Variants in SP140 observed in about 807,000 individuals in gnomAD.
SP140 encodes SP140 nuclear body protein.
SP140 carries 81 observed loss-of-function variants against 125.0 expected under a neutral mutation model. The observed-to-expected ratio is 0.65, with a 90% CI of 0.54 to 0.78. The LOEUF (loss-of-function observed/expected upper bound fraction) is 0.78. Ranked by LOEUF, SP140 falls within the 30% of genes least tolerant of loss-of-function variation. SP140 has a pLI of 0.00. For synonymous variants in SP140, 312 were observed against 354.0 expected, an observed-to-expected ratio of 0.88 and a Z score of 1.33; for missense variants, 858 against 1,037.0, an observed-to-expected ratio of 0.83 and a Z score of 2.37.
chr2:230,227,512 C>T (rs2046630443), intron 1 of SP140, among the ~76,000 whole-genome samples: 1 of 152,224 alleles, frequency 6.6e-6, no homozygotes, highest in Non-Finnish European at 1.5e-5. Context: ...GATGTCATTT[C>T]TTCCTTAAAT....
chr2:230,193,409 A>G, the SP140 span, among the ~76,000 whole-genome samples: 2 of 152,186 alleles, frequency 1.3e-5, no homozygotes, highest in African/African-American at 4.8e-5. Flanking sequence ...ATTGTTACCT[A>G]CATACGTTGT....
At chr2:230,250,844 A>T in intron 9 of SP140, 137 bp from the exon 10 acceptor site, 1 of 781,372 alleles carries the variant, frequency 1.3e-6, no homozygotes, top group African/African-American at 1.7e-5. Flanking sequence ...GGCCAGGTGA[A>T]CCCACCTACA....
chr2:230,309,298 T>A (rs1245246557), intron 22 of SP140, among the ~76,000 whole-genome samples: 2 of 152,116 alleles, frequency 1.3e-5, no homozygotes, highest in African/African-American at 2.4e-5. Flanking sequence ...GTTAGCTAAG[T>A]CAAGGGGGAT....
intron 10 of SP140, among the ~76,000 whole-genome samples, chr2:230,252,296 G>A (rs914352626): frequency 3.9e-5 from 6 of 152,054 alleles, no homozygotes; most frequent in Non-Finnish European, 7.4e-5. Flanking sequence ...AGTCCACAGA[G>A]CCAAAGAGAA....
intron 20 of SP140, 54 bp from the exon 21 acceptor site, chr2:230,294,217 C>T (rs961910675): frequency 2.7e-6 from 4 of 1,477,652 alleles, no homozygotes; most frequent in African/African-American, 2.8e-5. Context: ...AAATGCCAGA[C>T]TCACAAAACG....
At chr2:230,214,928 A>G in intron 3 of SP140, 1 of 1,609,696 alleles carries the variant, frequency 6.2e-7, no homozygotes, top group Non-Finnish European at 8.5e-7. Flanking sequence ...AAATGCAAAA[A>G]GCACTTGAGA....
At chr2:230,288,151 A>G (rs2056630078) in intron 18 of SP140, 185 bp downstream of exon 18, 1 of 558,022 alleles carries the variant, frequency 1.8e-6, no homozygotes, top group African/African-American at 1.9e-5. Flanking sequence ...TAAGTTGGTG[A>G]TGGATCTACA....
At chr2:230,214,423 C>A (rs1028909516) in intron 3 of SP140, among the ~76,000 whole-genome samples, 3 of 152,136 alleles carry the variant, frequency 2.0e-5, no homozygotes, top group African/African-American at 7.2e-5. Context: ...GCTTCTTAAC[C>A]AACAAGTAAT....
chr2:230,247,802 C>T, intron 7 of SP140, 114 bp from the exon 8 acceptor site: 2 of 1,012,696 alleles, frequency 2.0e-6, no homozygotes, highest in Non-Finnish European at 3.0e-6. Flanking sequence ...AAAGGCTTAG[C>T]CCTGTGCTTG....
chr2:230,244,357 T>C (rs1160644309), intron 5 of SP140, among the ~76,000 whole-genome samples: 1 of 152,232 alleles, frequency 6.6e-6, no homozygotes, highest in Non-Finnish European at 1.5e-5. Context: ...TAAGGTCTTT[T>C]ACCAGGTCAA....
intron 22 of SP140, among the ~76,000 whole-genome samples, chr2:230,300,467 A>G (rs1416032347): frequency 5.9e-5 from 9 of 152,204 alleles, no homozygotes; most frequent in Admixed American, 5.9e-4. Flanking sequence ...AAGACAGATC[A>G]CATCACAGGA....
intron 1 of SP140, among the ~76,000 whole-genome samples, chr2:230,227,904 A>ATT (rs893276183): frequency 6.6e-6 from 1 of 152,002 alleles, no homozygotes; most frequent in Admixed American, 6.6e-5. Flanking sequence ...TCCTGTTTCA[A>ATT]TTTTTTTAAC....
chr2:230,273,464 G>A (rs1290384793), intron 15 of SP140, among the ~76,000 whole-genome samples: 1 of 152,136 alleles, frequency 6.6e-6, no homozygotes, highest in Non-Finnish European at 1.5e-5. Flanking sequence ...ACGAGGTTGT[G>A]GAGAAAAAGG....
intron 11 of SP140, 114 bp downstream of exon 11, chr2:230,253,531 A>G (rs761700587): frequency 5.2e-5 from 39 of 746,786 alleles, no homozygotes; most frequent in Non-Finnish European, 7.8e-5. Context: ...ATTCGCATAC[A>G]TACAGATGGA....
At chr2:230,281,056 G>A (rs1010114085) in intron 15 of SP140, among the ~76,000 whole-genome samples, 4 of 152,014 alleles carry the variant, frequency 2.6e-5, no homozygotes, top group Non-Finnish European at 5.9e-5. Context: ...GGAATCTATG[G>A]TGTGGCTAAT....
chr2:230,269,464 G>A, intron 12 of SP140, 68 bp from the exon 13 acceptor site: 19 of 943,830 alleles, frequency 2.0e-5, no homozygotes, highest in Non-Finnish European at 2.6e-5. Context: ...CAGTATAGCA[G>A]CACTGGAAAC....
At chr2:230,304,003 C>G (rs1314853061) in intron 22 of SP140, among the ~76,000 whole-genome samples, 2 of 152,080 alleles carry the variant, frequency 1.3e-5, no homozygotes, top group African/African-American at 4.8e-5. Context: ...ACCTAGAAAA[C>G]CCTAAGGACT....
At chr2:230,186,493 G>GT in the SP140 span, among the ~76,000 whole-genome samples, 4,327 of 152,248 alleles carry the variant, frequency 0.028, 213 homozygotes, top group African/African-American at 0.099. Flanking sequence ...AATATTAAAT[G>GT]TATTTTTCTT....
the SP140 span, among the ~76,000 whole-genome samples, chr2:230,194,348 C>T: frequency 1.5e-3 from 226 of 151,854 alleles, 1 homozygote; most frequent in Non-Finnish European, 2.5e-3. Flanking sequence ...CACCTGTATC[C>T]GAGAACTTTG....
Sources: allele counts gnomAD v4.1 joint callset (sites outside exome capture counted in the v4.1 genomes callset), GRCh38; gene constraint gnomAD v4.1.1; transcripts MANE v1.5; gene names NCBI Gene and HGNC (gene_info 2026-07-23, HGNC 2026-07-21).